The following RBFOX1 variants were observed in gnomAD, a reference collection of about 807,000 sequenced individuals.
The protein encoded by RBFOX1 is RNA binding protein fox-1 homolog 1.
In RBFOX1, 8 loss-of-function variants were observed where a neutral mutation model predicts 57.7. That is an observed-to-expected ratio of 0.14 (90% CI 0.08 to 0.25). The LOEUF is 0.25. Among genes scored for constraint, RBFOX1 ranks in the 10% least tolerant of loss-of-function variants. The probability of loss-of-function intolerance (pLI) is 1.00; values close to 1 mark genes in which losing one functional copy is unlikely to be tolerated. For missense variants in RBFOX1, 611 were observed against 548.5 expected (o/e 1.11, Z -1.14); for synonymous variants, 326 against 222.4 (o/e 1.47, Z -4.15).
At chr16:6,313,217 G>C (rs1378818918) in intron 1 of RBFOX1, among the ~76,000 whole-genome samples, 2 of 152,158 alleles carry the variant, frequency 1.3e-5, no homozygotes, top group African/African-American at 4.8e-5. Flanking sequence ...AATAAATAAG[G>C]CTGGAGCTGT....
At chr16:7,654,034 C>G in intron 12 of RBFOX1, 87 bp downstream of exon 12, 3 of 1,366,584 alleles carry the variant, frequency 2.2e-6, no homozygotes, top group Non-Finnish European at 2.9e-6. Context: ...GCATGATGGT[C>G]TTGACTCCCC....
intron 14 of RBFOX1, among the ~76,000 whole-genome samples, chr16:7,678,736 A>G (rs2074019521): frequency 6.6e-6 from 1 of 152,218 alleles, no homozygotes; most frequent in South Asian, 2.1e-4. Flanking sequence ...GATTCTGGCC[A>G]TCCCTACTTG....
intron 1 of RBFOX1, among the ~76,000 whole-genome samples, chr16:5,278,395 C>T (rs1433436235): frequency 6.6e-5 from 10 of 152,120 alleles, no homozygotes; most frequent in African/African-American, 1.2e-4. Flanking sequence ...GCTTTTGTGG[C>T]GATTGCGTTT....
intron 2 of RBFOX1, among the ~76,000 whole-genome samples, chr16:6,508,793 G>C (rs1046703262): frequency 5.3e-5 from 8 of 151,602 alleles, no homozygotes; most frequent in South Asian, 2.1e-4. Context: ...GAAGAAATTT[G>C]CCATTTATAT....
At chr16:7,483,130 G>T (rs964223237) in intron 4 of RBFOX1, among the ~76,000 whole-genome samples, 4 of 152,162 alleles carry the variant, frequency 2.6e-5, no homozygotes, top group Admixed American at 2.0e-4. Flanking sequence ...TTCTCCAGCT[G>T]TACCAAGGCT....
chr16:6,291,951 G>A (rs941915666), intron 1 of RBFOX1, among the ~76,000 whole-genome samples: 7 of 140,322 alleles, frequency 5.0e-5, no homozygotes, highest in Non-Finnish European at 9.0e-5. Context: ...TGGAATGAAT[G>A]TGTGTGTGTG....
At chr16:7,204,388 T>TGG (rs2089463305) in intron 4 of RBFOX1, among the ~76,000 whole-genome samples, 1 of 149,248 alleles carries the variant, frequency 6.7e-6, no homozygotes, top group Non-Finnish European at 1.5e-5. Context: ...ATACCTGAAA[T>TGG]CCCAGTACTT....
intron 4 of RBFOX1, among the ~76,000 whole-genome samples, chr16:7,489,475 G>C (rs891997185): frequency 1.3e-5 from 2 of 151,448 alleles, no homozygotes; most frequent in Non-Finnish European, 2.9e-5. Flanking sequence ...CTATTTTGGA[G>C]ATTAAAAAAC....
chr16:5,696,721 C>T (rs2050855748), intron 3 of RBFOX1, among the ~76,000 whole-genome samples: 1 of 152,174 alleles, frequency 6.6e-6, no homozygotes. Flanking sequence ...AGTTTACATT[C>T]TTATGATATT....
intron 2 of RBFOX1, among the ~76,000 whole-genome samples, chr16:5,501,309 C>G (rs559653420): frequency 6.2e-4 from 64 of 103,564 alleles, no homozygotes; most frequent in Non-Finnish European, 9.4e-4. Context: ...CAAAACGAGA[C>G]TCTGTCTACA....
chr16:6,705,811 A>G (rs1356130287), intron 3 of RBFOX1, among the ~76,000 whole-genome samples: 2 of 152,156 alleles, frequency 1.3e-5, no homozygotes, highest in Non-Finnish European at 2.9e-5. Context: ...TGAGCTCAGG[A>G]GTCCAAGACC....
intron 1 of RBFOX1, among the ~76,000 whole-genome samples, chr16:6,218,120 G>C (rs1448064815): frequency 6.6e-6 from 1 of 152,088 alleles, no homozygotes; most frequent in Non-Finnish European, 1.5e-5. Flanking sequence ...GTTAGAATGA[G>C]TCCCATACAC....
At chr16:6,944,541 G>C (rs1383451371) in intron 3 of RBFOX1, among the ~76,000 whole-genome samples, 1 of 152,146 alleles carries the variant, frequency 6.6e-6, no homozygotes, top group South Asian at 2.1e-4. Flanking sequence ...TCACGATCTG[G>C]TATATTTTGT....
chr16:7,602,681 C>T (rs548372214), intron 9 of RBFOX1, among the ~76,000 whole-genome samples: 4 of 152,118 alleles, frequency 2.6e-5, no homozygotes, highest in East Asian at 3.9e-4. Context: ...CCCGCATGAG[C>T]TCTGTAAGTC....
At chr16:5,592,535 G>C (rs2047043444) in intron 2 of RBFOX1, among the ~76,000 whole-genome samples, 1 of 151,854 alleles carries the variant, frequency 6.6e-6, no homozygotes, top group African/African-American at 2.4e-5. Flanking sequence ...TCCTGCCTCA[G>C]CCTCCCCGGT....
intron 3 of RBFOX1, among the ~76,000 whole-genome samples, chr16:5,620,987 C>G (rs1021526165): frequency 1.6e-4 from 24 of 152,048 alleles, no homozygotes; most frequent in African/African-American, 5.8e-4. Flanking sequence ...ACTATAGACG[C>G]TCGCCACCAC....
At chr16:6,062,745 CTT>C (rs1323577169) in intron 1 of RBFOX1, among the ~76,000 whole-genome samples, 2 of 151,686 alleles carry the variant, frequency 1.3e-5, no homozygotes, top group Admixed American at 1.3e-4. Context: ...ACATGTATCT[CTT>C]TGACTATCAC....
At chr16:6,089,436 C>T (rs1286557581) in intron 1 of RBFOX1, among the ~76,000 whole-genome samples, 2 of 152,204 alleles carry the variant, frequency 1.3e-5, no homozygotes, top group East Asian at 1.9e-4. Flanking sequence ...TCGGCATATA[C>T]ACAGAGGGCC....
At chr16:6,552,812 A>T (rs574648508) in intron 2 of RBFOX1, among the ~76,000 whole-genome samples, 1 of 152,140 alleles carries the variant, frequency 6.6e-6, no homozygotes, top group Admixed American at 6.5e-5. Flanking sequence ...TGAATGTATT[A>T]TGTGTAAGAT....
Sources: allele counts gnomAD v4.1 joint callset (sites outside exome capture counted in the v4.1 genomes callset), GRCh38; gene constraint gnomAD v4.1.1; transcripts MANE v1.5; gene names NCBI Gene and HGNC (gene_info 2026-07-23, HGNC 2026-07-21).